EYS: variants seen among roughly 807,000 people sequenced by gnomAD.
The protein encoded by EYS is protein eyes shut homolog.
EYS carries 250 observed loss-of-function variants against 282.1 expected under a neutral mutation model. The ratio of observed to expected loss-of-function variants is 0.89; its 90% CI spans 0.80 to 0.98. The LOEUF (loss-of-function observed/expected upper bound fraction) is 0.98, where lower values mean the gene tolerates loss of function less well. Among genes scored for constraint, EYS ranks in the 50% least tolerant of loss-of-function variants. The pLI, the probability that EYS is intolerant of heterozygous loss-of-function variation, is 0.00. For missense variants in EYS, 4,016 were observed against 3,709.0 expected (o/e 1.08, Z -2.15); for synonymous variants, 1,355 against 1,282.9 (o/e 1.06, Z -1.20).
chr6:64,245,316 G>GTGTTTTGTTTTGTTT (rs70999138), intron 30 of EYS, among the ~76,000 whole-genome samples: 1 of 150,648 alleles, frequency 6.6e-6, no homozygotes, highest in African/African-American at 2.4e-5. Flanking sequence ...TTTTTTGTGG[G>GTGTTTTGTTTTGTTT]TGTTTTGTTT....
intron 13 of EYS, among the ~76,000 whole-genome samples, chr6:65,015,741 C>G (rs943082296): frequency 6.6e-6 from 1 of 151,566 alleles, no homozygotes; most frequent in African/African-American, 2.4e-5. Context: ...GAGGTTCCCA[C>G]TGAAATTGTA....
At chr6:65,643,615 G>A (rs1164597541) in intron 1 of EYS, among the ~76,000 whole-genome samples, 1 of 152,150 alleles carries the variant, frequency 6.6e-6, no homozygotes, top group Admixed American at 6.6e-5. Flanking sequence ...TGCCTGGAGG[G>A]CAACCAACAC....
At chr6:64,161,406 G>A (rs1562231662) in intron 31 of EYS, among the ~76,000 whole-genome samples, 1 of 152,178 alleles carries the variant, frequency 6.6e-6, no homozygotes, top group African/African-American at 2.4e-5. Flanking sequence ...CTGCTGTCAT[G>A]AGGTAATAAA....
intron 22 of EYS, among the ~76,000 whole-genome samples, chr6:64,725,085 A>G (rs1771710079): frequency 6.6e-6 from 1 of 152,120 alleles, no homozygotes; most frequent in African/African-American, 2.4e-5. Flanking sequence ...ATAACACAGA[A>G]TGCTTCTTCC....
chr6:64,482,618 T>C (rs1776466850), intron 26 of EYS, among the ~76,000 whole-genome samples: 1 of 151,702 alleles, frequency 6.6e-6, no homozygotes, highest in African/African-American at 2.4e-5. Context: ...ATAGCAAATG[T>C]TTTATCAGTG....
intron 36 of EYS, among the ~76,000 whole-genome samples, chr6:63,837,350 A>C (rs1771835943): frequency 6.6e-6 from 1 of 152,100 alleles, no homozygotes; most frequent in East Asian, 1.9e-4. Flanking sequence ...TGCTGCATGG[A>C]TAAAATCTTA....
chr6:65,207,857 T>C (rs971818043), intron 12 of EYS, among the ~76,000 whole-genome samples: 7 of 151,690 alleles, frequency 4.6e-5, no homozygotes, highest in Non-Finnish European at 1.0e-4. Context: ...TCACTAACAG[T>C]ATATACAAAT....
At position 64,401,717 on chromosome 6, in the gene EYS, T is replaced by C. The variant is rs527735413; in HGVS notation, c.5928-12877A>G. ...AAATTGATTTTTAAAGGGATTTAAATAGATATAGTGGATATTTCTGTTAGG... is the reference window on the plus strand; with the variant it reads ...AAATTGATTTTTAAAGGGATTTAAACAGATATAGTGGATATTTCTGTTAGG... On this transcript the variant is annotated intron_variant, in intron 28 of 42. Transcript: ENST00000503581. Among the ~76,000 whole-genome samples, 9 of 152,228 alleles carry C rather than the reference T, an allele frequency of 5.9e-5. No homozygotes were observed. In the South Asian group the frequency reaches 1.9e-3, roughly 32 times the overall value.
intron 12 of EYS, among the ~76,000 whole-genome samples, chr6:65,217,354 G>A (rs79028844): frequency 0.042 from 6,410 of 152,086 alleles, 184 homozygotes; most frequent in Middle Eastern, 0.065. Context: ...GAAGTATTAT[G>A]TATAGCAATG....
rs185734461 is a variant in EYS, at chr6:64,479,345, T to C, written c.5645-39993A>G. Among the ~76,000 whole-genome samples, 40 of 152,094 alleles carry C rather than the reference T, an allele frequency of 2.6e-4. 1 individual carries two copies. The South Asian group carries it at 7.9e-3, about 30-fold the overall frequency. On this transcript the variant is annotated intron_variant, in intron 26 of 42. Transcript: ENST00000503581. ...TACGTCACTTTACTGCTCCATGATA[T>C]TGCCTGCTCCATAAAATTCAAACTA...
At chr6:64,233,812 A>G (rs557034909) in intron 30 of EYS, among the ~76,000 whole-genome samples, 8 of 152,316 alleles carry the variant, frequency 5.3e-5, no homozygotes, top group Middle Eastern at 3.4e-3. Flanking sequence ...TAGGACAGCA[A>G]TTTCCAGTCG....
At chr6:64,018,759 GT>G (rs1163533009) in intron 33 of EYS, among the ~76,000 whole-genome samples, 29 of 53,886 alleles carry the variant, frequency 5.4e-4, no homozygotes, top group African/African-American at 1.6e-3. Flanking sequence ...CATCACAAGT[GT>G]TTTTTTTTTT....
At chr6:64,350,638 A>G (rs1373640507) in intron 29 of EYS, among the ~76,000 whole-genome samples, 1 of 151,634 alleles carries the variant, frequency 6.6e-6, no homozygotes, top group African/African-American at 2.4e-5. Flanking sequence ...GAAAGGAGAA[A>G]TAAGTCTCTA....
chr6:65,518,176 C>G (rs145876695), intron 2 of EYS, among the ~76,000 whole-genome samples: 82 of 152,156 alleles, frequency 5.4e-4, no homozygotes, highest in African/African-American at 2.0e-3. Context: ...AAACTTATAT[C>G]CAAGCATTCT....
Position 64,417,887 on chromosome 6 carries a change from G to T in EYS, c.5927+18287C>A, listed in dbSNP as rs1036939985. On this transcript the variant is annotated intron_variant, in intron 28 of 42. Coordinates refer to ENST00000503581, the MANE Select transcript of EYS (RefSeq NM_001142800.2). The stretch of plus-strand genomic sequence containing the variant: ...GGGTTTCACCATATAGGCCAGGCTA[G>T]TCTTGAACTCCAGACCTCAAGGGAT... Among the ~76,000 whole-genome samples the T allele has an allele frequency of 9.9e-5, 15 of 152,086 alleles. 1 individual carries two copies. Among genetic ancestry groups the T allele is most frequent in the African/African-American group, 3.6e-4 (15 of 41,418 alleles).
intron 2 of EYS, among the ~76,000 whole-genome samples, chr6:65,545,953 CTT>C (rs2127326008): frequency 6.6e-6 from 1 of 151,862 alleles, no homozygotes; most frequent in Non-Finnish European, 1.5e-5. Context: ...ATTTAGCAAA[CTT>C]ATAAGCATCT....
intron 1 of EYS, among the ~76,000 whole-genome samples, chr6:65,676,134 G>A (rs777595630): frequency 3.3e-5 from 5 of 151,586 alleles, no homozygotes; most frequent in African/African-American, 1.2e-4. Flanking sequence ...TAAAGAAAAG[G>A]TATCTCAAAT....
chr6:64,097,546 G>A (rs570805407), intron 31 of EYS, among the ~76,000 whole-genome samples: 1 of 152,278 alleles, frequency 6.6e-6, no homozygotes, highest in African/African-American at 2.4e-5. Flanking sequence ...GTAGGACCCT[G>A]CAAGCCAAGC....
At chr6:64,467,074 G>A (rs2150489475) in intron 26 of EYS, among the ~76,000 whole-genome samples, 1 of 152,180 alleles carries the variant, frequency 6.6e-6, no homozygotes, top group South Asian at 2.1e-4. Context: ...AATTAATCCA[G>A]TCAAATAAAT....
Sources: gnomAD v4.1 joint callset for allele counts (sites outside exome capture counted in the v4.1 genomes callset) on GRCh38, gnomAD v4.1.1 for gene constraint, MANE v1.5 for transcripts, NCBI Gene and HGNC (gene_info 2026-07-23, HGNC 2026-07-21) for gene names.